OR6F1: variants seen among roughly 807,000 people sequenced by gnomAD.
OR6F1 encodes olfactory receptor 6F1.
For missense variants in OR6F1, 346 were observed against 376.0 expected (o/e 0.92, Z 0.66); for synonymous variants, 144 against 150.0 (o/e 0.96, Z 0.29).
Position 247,714,852 on chromosome 1 carries a change from G to A in OR6F1, c.-126-898C>T, listed in dbSNP as rs549288787. On this transcript the variant is annotated intron_variant, in intron 1 of 2. Coordinates refer to ENST00000641470, the MANE Select transcript of OR6F1 (RefSeq NM_001005286.2). ...ATATTCCAACATATGTGTCATTCACGGCCAACCAGTACATGTAATAACTAT... is the reference window on the plus strand; with the variant it reads ...ATATTCCAACATATGTGTCATTCACAGCCAACCAGTACATGTAATAACTAT... Among the ~76,000 whole-genome samples, 11 of 148,422 alleles carry A rather than the reference G, an allele frequency of 7.4e-5. No homozygotes were observed. In the South Asian group the frequency reaches 1.0e-3, roughly 14 times the overall value.
intron 1 of OR6F1, 134 bp downstream of exon 1, chr1:247,716,197 G>A (rs1286860818): frequency 6.6e-6 from 1 of 152,214 alleles, no homozygotes; most frequent in African/African-American, 2.4e-5. Flanking sequence ...AGGTTGCAGT[G>A]AGCCAGGATC....
At position 247,712,527 on chromosome 1, in the gene OR6F1, C is replaced by T; in HGVS notation, c.229G>A (p.Ala77Thr). Residue 77 changes from alanine (A) to threonine (T), a missense_variant, in exon 3 of 3, where the codon GCA becomes ACA. Physicochemically the swap from Ala to Thr is moderately conservative, Grantham distance 58. Transcript: ENST00000641470. ...AGGATGGCCAGTGCTTTGGGCACTG[C>T]TGCTGTGGTATACCAAATCTCCAGG... ...SFLEIWYTTA[A>T]VPKALAILLG... is the part of the protein sequence containing the mutation. 2 of 1,613,440 alleles carry T rather than the reference C, an allele frequency of 1.2e-6. No individual in the cohort carries two copies. The highest frequency in any genetic ancestry group is 8.5e-7 in the Non-Finnish European group (1 of 1,179,372).
At position 247,712,075 on chromosome 1, in the gene OR6F1, C is replaced by T. The variant is rs1297378014; in HGVS notation, c.681G>A (p.Arg227=). The stretch of plus-strand genomic sequence containing the variant: ...TGCTCCGGCCACTGGCAGAGGGGAT[C>T]CTGAGGATGGTGCTGATGATGTACA... ...SYVYIISTIL[R]IPSASGRSKA... Residue 227 remains arginine (R), a synonymous_variant, in exon 3 of 3, where the codon AGG becomes AGA. Coordinates refer to ENST00000641470, the MANE Select transcript of OR6F1 (RefSeq NM_001005286.2). 1 of 1,614,162 alleles carries T rather than the reference C, an allele frequency of 6.2e-7. No individual in the cohort carries two copies. Among genetic ancestry groups the T allele is most frequent in the East Asian group, 2.2e-5 (1 of 44,886 alleles).
At chr1:247,713,813 G>T in intron 2 of OR6F1, 78 bp downstream of exon 2, 1 of 397,938 alleles carries the variant, frequency 2.5e-6, no homozygotes, top group Non-Finnish European at 4.4e-6. Context: ...CAAAGCTACT[G>T]CATGTATCCA....
rs759071878 is a variant in OR6F1 at position 247,712,269 on chromosome 1, T to G, written c.487A>C (p.Ile163Leu). ...FVAIAVPTALISGLSFCGPRA... is the reference protein window; with the variant it reads ...FVAIAVPTALLSGLSFCGPRA... ...GGGCCACAGAAGGACAGGCCACTGATGAGGGCTGTGGGCACTGCAATGGCC... is the reference window on the plus strand; with the variant it reads ...GGGCCACAGAAGGACAGGCCACTGAGGAGGGCTGTGGGCACTGCAATGGCC... Residue 163 changes from isoleucine to leucine, a missense_variant, in exon 3 of 3, where the codon ATC (isoleucine) becomes CTC (leucine). Physicochemically the swap from Ile to Leu is conservative, Grantham distance 5. Transcript: ENST00000641470. 6.2e-7 allele frequency: 1 copy of G among 1,614,116 alleles called. No homozygotes were observed. The highest frequency in any genetic ancestry group is 1.1e-5 in the South Asian group (1 of 91,084).
intron 1 of OR6F1, 90 bp from the exon 2 acceptor site, chr1:247,714,044 T>C (rs1002209628): frequency 2.5e-6 from 1 of 398,330 alleles, no homozygotes; most frequent in Admixed American, 4.4e-5. Context: ...CAAATGTCAC[T>C]GGCCAGGACC....
chr1:247,712,873 A>C (rs1660035970), intron 2 of OR6F1, 56 bp from the exon 3 acceptor site: 1 of 599,348 alleles, frequency 1.7e-6, no homozygotes, highest in South Asian at 2.3e-5. Flanking sequence ...AAATGTAATT[A>C]TTGGAGATAT....
Position 247,716,456 on chromosome 1 carries a change from A to G in OR6F1, c.-252T>C, listed in dbSNP as rs889401111. ...TATTTTGATTGCAATTATTCCCTCT[A>G]TATCTCTGTTTTTCTTTGATTATCT... On this transcript the variant is annotated 5_prime_UTR_variant, in exon 1 of 3. It removes the in-frame stop codon of an upstream open reading frame in the 5' UTR. Transcript: ENST00000641470. 7 of 152,002 alleles carry G rather than the reference A, an allele frequency of 4.6e-5. No individual in the cohort carries two copies. The highest frequency in any genetic ancestry group is 1.7e-4 in the African/African-American group (7 of 41,352). The allele number at this position is 152,002 out of a possible 1,614,324, so 9.4% of individuals were successfully genotyped here. A position where few individuals can be genotyped will look rare whatever the true frequency, so the allele number is the denominator to read the frequency against.
At chr1:247,713,415 A>T (rs1660048747) in intron 2 of OR6F1, among the ~76,000 whole-genome samples, 1 of 145,734 alleles carries the variant, frequency 6.9e-6, no homozygotes, top group Non-Finnish European at 1.5e-5. Context: ...GATACTTCTC[A>T]TCAAAAAAAA....
At position 247,712,096 on chromosome 1, in the gene OR6F1, G is replaced by A. The variant is rs1572460337; in HGVS notation, c.660C>T (p.Tyr220=). 6.2e-7 allele frequency: 1 copy of A among 1,614,210 alleles called. No individual in the cohort carries two copies. Among genetic ancestry groups the A allele is most frequent in the Non-Finnish European group, 8.5e-7 (1 of 1,180,022 alleles). Residue 220 remains tyrosine (Y), a synonymous_variant, in exon 3 of 3, where the codon TAC becomes TAT. Transcript: ENST00000641470. Reference sequence around the variant, plus strand: ...GGATCCTGAGGATGGTGCTGATGATGTACACATAGGAGACAAAGGTGATGA... The same window carrying A: ...GGATCCTGAGGATGGTGCTGATGATATACACATAGGAGACAAAGGTGATGA... ...SCLITFVSYV[Y]IISTILRIPS...
rs758771789 is a variant in OR6F1 at position 247,712,409 on chromosome 1, G to T, written c.347C>A (p.Ala116Glu). Residue 116 changes from alanine (A) to glutamate (E), a missense_variant, in exon 3 of 3, where the codon GCA becomes GAA. Physicochemically the swap from Ala to Glu is moderately radical, Grantham distance 107. Coordinates refer to ENST00000641470, the MANE Select transcript of OR6F1 (RefSeq NM_001005286.2). ...SLGCTEYFLL[A>E]AMAYDRCLAI... Reference sequence around the variant, plus strand: ...AAGACAGCGGTCATAAGCCATGGCTGCCAGGAGGAAGTACTCTGTGCAGCC... The same window carrying T: ...AAGACAGCGGTCATAAGCCATGGCTTCCAGGAGGAAGTACTCTGTGCAGCC... 1 of 1,614,082 alleles carries T rather than the reference G, an allele frequency of 6.2e-7. No individual in the cohort carries two copies. Among genetic ancestry groups the T allele is most frequent in the Admixed American group, 1.7e-5 (1 of 60,030 alleles).
At chr1:247,714,041 C>T (rs1445517819) in intron 1 of OR6F1, 87 bp from the exon 2 acceptor site, 3 of 398,164 alleles carry the variant, frequency 7.5e-6, no homozygotes, top group Non-Finnish European at 1.3e-5. Context: ...TTCCAAATGT[C>T]ACTGGCCAGG....
rs1189327716 is a variant in OR6F1 at position 247,712,499 on chromosome 1, A to G, written c.257T>C (p.Leu86Pro). 1.9e-6 allele frequency: 3 copies of G among 1,614,004 alleles called. No homozygotes were observed. Among genetic ancestry groups the G allele is most frequent in the Non-Finnish European group, 2.5e-6 (3 of 1,179,952 alleles). The change falls in exon 3 of 3, where the codon CTG becomes CCG. Residue 86 changes from leucine (L) to proline (P), a missense_variant. By Grantham distance (98) the Leu-to-Pro change is moderately conservative. Coordinates refer to ENST00000641470, the MANE Select transcript of OR6F1 (RefSeq NM_001005286.2). ...AAVPKALAIL[L>P]GRSQTISFTS... is the part of the protein sequence containing the mutation. Reference sequence around the variant, plus strand: ...AAATGATATGGTCTGACTTCTCCCCAGTAGGATGGCCAGTGCTTTGGGCAC... The same window carrying G: ...AAATGATATGGTCTGACTTCTCCCCGGTAGGATGGCCAGTGCTTTGGGCAC...
In OR6F1 at chr1:247,712,745, C is replaced by T. The variant is rs1447437307; in HGVS notation, c.11G>A (p.Gly4Asp). The change falls in exon 3 of 3, where the codon GGC becomes GAC. Residue 4 changes from glycine (G) to aspartate (D), a missense_variant. Gly to Asp is a moderately conservative substitution (Grantham distance 94). Coordinates refer to ENST00000641470, the MANE Select transcript of OR6F1 (RefSeq NM_001005286.2). MDT[G>D]NKTLPQDFLL... ...AAAGTCCTGGGGCAGAGTTTTGTTGCCTGTGTCCATTGTGGTACTGAAACC... is the reference window on the plus strand; with the variant it reads ...AAAGTCCTGGGGCAGAGTTTTGTTGTCTGTGTCCATTGTGGTACTGAAACC... 2 of 1,599,598 alleles carry T rather than the reference C, an allele frequency of 1.3e-6. No individual in the cohort carries two copies. The highest frequency in any genetic ancestry group is 1.7e-6 in the Non-Finnish European group (2 of 1,177,624).
chr1:247,711,930 C>T lies in OR6F1; in HGVS notation c.826G>A (p.Val276Ile), dbSNP rs757320693. 2.5e-6 allele frequency: 4 copies of T among 1,613,716 alleles called. No individual in the cohort carries two copies. The highest frequency in any genetic ancestry group is 2.2e-5 in the East Asian group (1 of 44,872). The change falls in exon 3 of 3, where the codon GTC becomes ATC. Residue 276 changes from valine (V) to isoleucine (I), a missense_variant. Physicochemically the swap from Val to Ile is conservative, Grantham distance 29 (BLOSUM62 3). Transcript: ENST00000641470. Reference protein sequence around the residue: ...DALDLIKAVHVLNTVVTPVLN... With the variant: ...DALDLIKAVHILNTVVTPVLN... The stretch of plus-strand genomic sequence containing the variant: ...ACTGGAGTCACCACAGTGTTCAGGA[C>T]GTGGACAGCTTTGATCAGATCCAAG...
intron 2 of OR6F1, 25 bp from the exon 3 acceptor site, chr1:247,712,842 C>A: frequency 1.5e-6 from 1 of 673,636 alleles, no homozygotes. Context: ...AGAATGGATT[C>A]ATGAAAGAGC....
rs1558302428 is a variant in OR6F1, at chr1:247,712,677, G to A, written c.79C>T (p.Leu27Phe). 6.2e-7 allele frequency: 1 copy of A among 1,612,878 alleles called. No homozygotes were observed. Among genetic ancestry groups the A allele is most frequent in the East Asian group, 2.2e-5 (1 of 44,872 alleles). The change falls in exon 3 of 3, where the codon CTC becomes TTC. Residue 27 changes from leucine (L) to phenylalanine (F), a missense_variant. Transcript: ENST00000641470. ...TACATCACCAGAAAAAGCATAAAGA[G>A]AGAGAGCTGAAGAGTTTGAGAACCA... ...FPGSQTLQLS[L>F]FMLFLVMYIL...
chr1:247,711,857 G>C lies in OR6F1; in HGVS notation c.899C>G (p.Thr300Ser). ...YTLRNKEVRE[T>S]LLKKWKGK ...TTTTCCCTTCCATTTCTTCAGCAGA[G>C]TCTCTCTTACTTCCTTATTACGAAG... The change falls in exon 3 of 3, where the codon ACT becomes AGT. Residue 300 changes from threonine to serine, a missense_variant. Thr to Ser is a moderately conservative substitution (Grantham distance 58, BLOSUM62 1). Coordinates refer to ENST00000641470, the MANE Select transcript of OR6F1 (RefSeq NM_001005286.2). 8 of 1,612,702 alleles carry C rather than the reference G, an allele frequency of 5.0e-6. No homozygotes were observed. The highest frequency in any genetic ancestry group is 6.8e-6 in the Non-Finnish European group (8 of 1,178,790).
intron 1 of OR6F1, among the ~76,000 whole-genome samples, chr1:247,714,830 T>G (rs1660079006): frequency 6.6e-6 from 1 of 152,176 alleles, no homozygotes; most frequent in African/African-American, 2.4e-5. Context: ...AGCTAATATA[T>G]TCCAACATAT....
Sources: gnomAD v4.1 joint callset for allele counts (sites outside exome capture counted in the v4.1 genomes callset) on GRCh38, gnomAD v4.1.1 for gene constraint, MANE v1.5 for transcripts, NCBI Gene and HGNC (gene_info 2026-07-23, HGNC 2026-07-21) for gene names.